SMG7: variants seen among roughly 807,000 people sequenced by gnomAD.
SMG7 encodes SMG7 nonsense mediated mRNA decay factor.
Under a neutral mutation model 148.2 loss-of-function variants are expected in SMG7, and 34 were observed. The ratio of observed to expected loss-of-function variants is 0.23; its 90% CI spans 0.17 to 0.31. SMG7 has a LOEUF of 0.31. SMG7 is among the 10% of genes least tolerant of loss of function. The pLI is 1.00. For missense variants in SMG7, 1,114 were observed against 1,408.4 expected (o/e 0.79, Z 3.35); for synonymous variants, 492 against 515.1 (o/e 0.96, Z 0.61).
Position 183,551,932 on chromosome 1 carries a change from G to T in SMG7, c.*1G>T, listed in dbSNP as rs1340918141. ...AGGCACCATGAACCCTCCACACTGA[G>T]GCCAAAGTGGCAACCTGGGAATGAA... On this transcript the variant is annotated 3_prime_UTR_variant, in exon 23 of 23. Transcript: ENST00000688051. 6.2e-7 allele frequency: 1 copy of T among 1,612,982 alleles called. No homozygotes were observed. The highest frequency in any genetic ancestry group is 1.3e-5 in the African/African-American group (1 of 74,878).
In SMG7 at chr1:183,527,432, A is replaced by G. The variant is rs1476844661; in HGVS notation, c.485-524A>G. 6.6e-6 allele frequency among the ~76,000 whole-genome samples: 1 copy of G among 152,198 alleles called. No individual in the cohort carries two copies. Among genetic ancestry groups the G allele is most frequent in the Non-Finnish European group, 1.5e-5 (1 of 68,040 alleles). On this transcript the variant is annotated intron_variant, in intron 5 of 22. Coordinates refer to ENST00000688051, the MANE Select transcript of SMG7 (RefSeq NM_001375584.1). The surrounding 1 kb of genome is among the most constrained non-coding windows in gnomAD (Gnocchi z 4.0). ...TTCCATGAGGAGGTCACATCAGAGT[A>G]AGCAGTGAGTTTGGCAGGGAGATTC...
At chr1:183,516,314 C>T (rs142622976) in intron 3 of SMG7, among the ~76,000 whole-genome samples, 3 of 151,642 alleles carry the variant, frequency 2.0e-5, no homozygotes, top group Admixed American at 6.6e-5. Context: ...ATAATTAAGC[C>T]GCGATTTAAA....
chr1:183,496,012 G>C (rs1658402335), intron 1 of SMG7, among the ~76,000 whole-genome samples: 1 of 152,166 alleles, frequency 6.6e-6, no homozygotes. Context: ...CCAGAATTCT[G>C]ATACTGTGCC....
intron 4 of SMG7, among the ~76,000 whole-genome samples, chr1:183,523,060 C>T (rs141106953): frequency 8.5e-5 from 13 of 152,064 alleles, no homozygotes; most frequent in Admixed American, 3.3e-4. Flanking sequence ...AATTCCTGGT[C>T]AAAGTAAAGA....
intron 1 of SMG7, chr1:183,473,073 A>C: frequency 4.2e-5 from 8 of 191,104 alleles, no homozygotes; most frequent in Admixed American, 6.1e-5. Context: ...TGAGTAGAGG[A>C]CGGGGAGGAA....
Position 183,550,802 on chromosome 1 carries a change from T to C in SMG7, c.3185T>C (p.Leu1062Pro). 1 of 1,614,156 alleles carries C rather than the reference T, an allele frequency of 6.2e-7. No individual in the cohort carries two copies. The highest frequency in any genetic ancestry group is 1.3e-5 in the African/African-American group (1 of 75,050). ...QSPHSSNPSS[L>P]PSSPPTHNHN... ...CCTCATTCCTCTAACCCAAGCAGCC[T>C]ACCCAGCTCTCCTCCAACACACAAC... Residue 1062 changes from leucine to proline, a missense_variant, in exon 21 of 23, where the codon CTA (leucine) becomes CCA (proline). Coordinates refer to ENST00000688051, the MANE Select transcript of SMG7 (RefSeq NM_001375584.1).
chr1:183,526,156 A>ATT lies in SMG7; in HGVS notation c.313-430_313-429dup, dbSNP rs369153968. On this transcript the variant is annotated intron_variant, in intron 4 of 22. Coordinates refer to ENST00000688051, the MANE Select transcript of SMG7 (RefSeq NM_001375584.1). ...ACGTATAATATATATATATATATATATTTTTTTTTTTGGAGACAGTCTTGC... is the reference window on the plus strand; with the variant it reads ...ACGTATAATATATATATATATATATATTTTTTTTTTTTTGGAGACAGTCTTGC... Among the ~76,000 whole-genome samples the ATT allele has an allele frequency of 1.4e-4, 14 of 96,620 alleles. 1 individual carries two copies. The highest frequency in any genetic ancestry group is 1.0e-3 in the South Asian group (3 of 2,976). 63.4% of individuals were successfully genotyped at this position (96,620 alleles called of 152,430 possible).
chr1:183,536,244 C>T (rs191064944), intron 10 of SMG7, among the ~76,000 whole-genome samples: 115 of 152,046 alleles, frequency 7.6e-4, no homozygotes, highest in African/African-American at 2.7e-3. Flanking sequence ...AGGCCAAAAC[C>T]AATTATTTTA....
rs1324985340 is a variant in SMG7, at chr1:183,552,370, T to C, written c.*439T>C. On this transcript the variant is annotated 3_prime_UTR_variant, in exon 23 of 23. Coordinates refer to ENST00000688051, the MANE Select transcript of SMG7 (RefSeq NM_001375584.1). Reference sequence around the variant, plus strand: ...ATTGCTTTGCTGACTGAGAATGTAGTTGAAATTATTCTTAAACATCTTTTA... The same window carrying C: ...ATTGCTTTGCTGACTGAGAATGTAGCTGAAATTATTCTTAAACATCTTTTA... 1 of 985,778 alleles carries C rather than the reference T, an allele frequency of 1.0e-6. No individual in the cohort carries two copies. The highest frequency in any genetic ancestry group is 5.2e-4 in the Middle Eastern group (1 of 1,932). 61.1% of individuals were successfully genotyped at this position (985,778 alleles called of 1,614,324 possible).
intron 4 of SMG7, 132 bp downstream of exon 4, chr1:183,517,952 C>A: frequency 1.1e-6 from 1 of 941,582 alleles, no homozygotes; most frequent in Non-Finnish European, 1.6e-6. Context: ...CACCTATAAT[C>A]TTTTCTTTTT....
At position 183,515,896 on chromosome 1, in the gene SMG7, A is replaced by C. The variant is rs1038139602; in HGVS notation, c.84A>C (p.Glu28Asp). ...DMTDSKLGPA[E>D]VWTSRQALQD... ...CAGATTCTAAGCTGGGTCCAGCTGA[A>C]GTCTGGACATCCAGGCAGGCTCTGC... The change falls in exon 3 of 23, where the codon GAA becomes GAC. Residue 28 changes from glutamate to aspartate, a missense_variant. By Grantham distance (45) the Glu-to-Asp change is conservative (BLOSUM62 2). This residue lies in a region of SMG7 where 216 missense variants were observed against 329.1 expected (regional missense o/e 0.66). Transcript: ENST00000688051. The C allele has an allele frequency of 6.2e-7, 1 of 1,612,206 alleles. No individual in the cohort carries two copies. Among genetic ancestry groups the C allele is most frequent in the South Asian group, 1.1e-5 (1 of 90,956 alleles).
chr1:183,483,837 A>G (rs1398154211), intron 1 of SMG7, among the ~76,000 whole-genome samples: 1 of 152,210 alleles, frequency 6.6e-6, no homozygotes, highest in Non-Finnish European at 1.5e-5. Context: ...TGAAAGGAAA[A>G]TAATGTAACA....
intron 4 of SMG7, among the ~76,000 whole-genome samples, chr1:183,523,736 C>T (rs757552243): frequency 1.8e-4 from 27 of 152,254 alleles, no homozygotes; most frequent in Non-Finnish European, 3.2e-4. Context: ...CTCTTGGGCT[C>T]AGGCAGAAAT....
At chr1:183,478,947 C>T (rs1167886168) in intron 1 of SMG7, among the ~76,000 whole-genome samples, 1 of 152,108 alleles carries the variant, frequency 6.6e-6, no homozygotes, top group Non-Finnish European at 1.5e-5. Context: ...AGTTTAGTTG[C>T]TGTATTGTTA....
chr1:183,524,903 C>T (rs1425023784), intron 4 of SMG7, among the ~76,000 whole-genome samples: 1 of 152,120 alleles, frequency 6.6e-6, no homozygotes, highest in Non-Finnish European at 1.5e-5. Flanking sequence ...CCTTTTCCCT[C>T]TCCCTCCCTC....
chr1:183,475,770 G>T (rs2102003072), intron 1 of SMG7, among the ~76,000 whole-genome samples: 1 of 152,164 alleles, frequency 6.6e-6, no homozygotes, highest in East Asian at 1.9e-4. Context: ...ACTTTGAGAG[G>T]CTTCTTGTTA....
chr1:183,509,105 T>G (rs528461480), intron 1 of SMG7, among the ~76,000 whole-genome samples: 1 of 152,160 alleles, frequency 6.6e-6, no homozygotes, highest in African/African-American at 2.4e-5. Context: ...CCTTGGTAGC[T>G]GAAAACAGCC....
At position 183,537,183 on chromosome 1, in the gene SMG7, A is replaced by G; in HGVS notation, c.1202A>G (p.His401Arg). Residue 401 changes from histidine to arginine, a missense_variant, in exon 11 of 23, where the codon CAT (histidine) becomes CGT (arginine). Physicochemically the swap from His to Arg is conservative, Grantham distance 29. This residue lies in a region of SMG7 where 102 missense variants were observed against 147.2 expected (regional missense o/e 0.69). Coordinates refer to ENST00000688051, the MANE Select transcript of SMG7 (RefSeq NM_001375584.1). ...TTGATTTCTCTTCTGAATAGTTTCC[A>G]TCCCCATGAAGAGGACCTCTCAAGT... Reference protein sequence around the residue: ...PWLISLLNSFHPHEEDLSSIS... With the variant: ...PWLISLLNSFRPHEEDLSSIS... The G allele has an allele frequency of 6.2e-7, 1 of 1,613,066 alleles. No homozygotes were observed. Among genetic ancestry groups the G allele is most frequent in the Non-Finnish European group, 8.5e-7 (1 of 1,179,136 alleles).
In SMG7 at chr1:183,487,781, T is replaced by C. The variant is rs12032042; in HGVS notation, c.29+15132T>C. Among the ~76,000 whole-genome samples, 10 of 152,346 alleles carry C rather than the reference T, an allele frequency of 6.6e-5. No homozygotes were observed. In the East Asian group the frequency reaches 1.7e-3, roughly 26 times the overall value. ...GTTGATGGAGCCTGAATTATGTGTCTGTACACTAGCTGCAAATGAAGCTGG... is the reference window on the plus strand; with the variant it reads ...GTTGATGGAGCCTGAATTATGTGTCCGTACACTAGCTGCAAATGAAGCTGG... On this transcript the variant is annotated intron_variant, in intron 1 of 22. Coordinates refer to ENST00000688051, the MANE Select transcript of SMG7 (RefSeq NM_001375584.1).
Sources: gnomAD v4.1 joint callset for allele counts (sites outside exome capture counted in the v4.1 genomes callset) on GRCh38, gnomAD v4.1.1 for gene constraint, gnomAD v4.1.1 regional missense constraint, Gnocchi (gnomAD v3.1) non-coding constraint, MANE v1.5 for transcripts, NCBI Gene and HGNC (gene_info 2026-07-23, HGNC 2026-07-21) for gene names.